Variants in ADGRA2 observed in about 807,000 individuals in gnomAD.
ADGRA2 encodes G-protein coupled receptor 124.
Under a neutral mutation model 98.7 loss-of-function variants are expected in ADGRA2, and 61 were observed. The ratio of observed to expected loss-of-function variants is 0.62; its 90% CI spans 0.50 to 0.76. ADGRA2 has a LOEUF of 0.76. Ranked by LOEUF, ADGRA2 falls within the 30% of genes least tolerant of loss-of-function variation. ADGRA2 has a pLI of 0.00. For synonymous variants in ADGRA2, 858 were observed against 831.5 expected, an observed-to-expected ratio of 1.03 and a Z score of -0.55; for missense variants, 1,712 against 1,860.0, an observed-to-expected ratio of 0.92 and a Z score of 1.46.
rs1362838429 is a variant in ADGRA2 at position 37,814,730 on chromosome 8, C to T, written c.267-166C>T. 6.6e-6 allele frequency among the ~76,000 whole-genome samples: 1 copy of T among 152,180 alleles called. No homozygotes were observed. The highest frequency in any genetic ancestry group is 1.5e-5 in the Non-Finnish European group (1 of 68,032). On this transcript the variant is annotated intron_variant, in intron 1 of 18. Transcript: ENST00000412232. This position sits in a 1 kb window ranked among gnomAD's most constrained non-coding sequence, Gnocchi z 4.3. ...GACGTGGGGCTGGGTGGACCGTTGG[C>T]CAGCTTCTCCCTGTAATCTCCGGAA...
Position 37,841,048 on chromosome 8 carries a change from G to C in ADGRA2, c.2748-38G>C. On this transcript the variant is annotated intron_variant, in intron 18 of 18. Coordinates refer to ENST00000412232, the MANE Select transcript of ADGRA2 (RefSeq NM_032777.10). This position sits in a 1 kb window ranked among gnomAD's most constrained non-coding sequence, Gnocchi z 5.0. ...CGGCCCCCAGCCCCACCCCAGCCAT[G>C]CCCCCTGTCCTCATCACTGCTTCTG... 2 of 1,233,568 alleles carry C rather than the reference G, an allele frequency of 1.6e-6. No individual in the cohort carries two copies. Among genetic ancestry groups the C allele is most frequent in the Non-Finnish European group, 2.3e-6 (2 of 870,396 alleles). The allele number at this position is 1,233,568 out of a possible 1,614,324, so 76.4% of individuals were successfully genotyped here. A position where few individuals can be genotyped will look rare whatever the true frequency, so the allele number is the denominator to read the frequency against.
At chr8:37,829,049 C>T (rs1167879670) in intron 3 of ADGRA2, 90 bp downstream of exon 3, 130 of 852,128 alleles carry the variant, frequency 1.5e-4, no homozygotes, top group Admixed American at 3.8e-4. Context: ...CTTCCTCTCA[C>T]CCCCCCACAC....
chr8:37,841,786 G>T lies in ADGRA2; in HGVS notation c.3448G>T (p.Gly1150Trp). ...GGCCCAGAGTCAGGTGTGCGAGGCG[G>T]GGGCGGCGGCCGGCGGGGAAGGAGA... ...QLAQSQVCEA[G>W]AAAGGEGEPE... The change falls in exon 19 of 19, where the codon GGG becomes TGG. Residue 1150 changes from glycine to tryptophan, a missense_variant. Transcript: ENST00000412232. This position sits in a 1 kb window ranked among gnomAD's most constrained non-coding sequence, Gnocchi z 5.0. 1 of 1,533,842 alleles carries T rather than the reference G, an allele frequency of 6.5e-7. No homozygotes were observed.
rs1338175996 is a variant in ADGRA2 at position 37,842,182 on chromosome 8, G to T, written c.3844G>T (p.Gly1282Cys). The change falls in exon 19 of 19, where the codon GGC becomes TGC. Residue 1282 changes from glycine (G) to cysteine (C), a missense_variant. Coordinates refer to ENST00000412232, the MANE Select transcript of ADGRA2 (RefSeq NM_032777.10). ...RRSASRDSLK[G>C]GGALEKESHR... is the part of the protein sequence containing the mutation. ...CAGCGCCAGCCGCGACAGTCTCAAG[G>T]GCGGCGGCGCGCTGGAGAAGGAGAG... 6.5e-7 allele frequency: 1 copy of T among 1,538,214 alleles called. No individual in the cohort carries two copies. Among genetic ancestry groups the T allele is most frequent in the Admixed American group, 2.0e-5 (1 of 50,000 alleles).
intron 2 of ADGRA2, among the ~76,000 whole-genome samples, chr8:37,825,243 A>T (rs1195276799): frequency 1.3e-5 from 2 of 151,534 alleles, no homozygotes; most frequent in Non-Finnish European, 2.9e-5. Context: ...CCAGCAAAGG[A>T]CTTCTGTCAT....
At chr8:37,798,373 TAGTC>T (rs1023644063) in intron 1 of ADGRA2, among the ~76,000 whole-genome samples, 10 of 152,154 alleles carry the variant, frequency 6.6e-5, no homozygotes, top group Admixed American at 3.3e-4. Flanking sequence ...ACTTCCCTCT[TAGTC>T]AGGGCCTCAG....
At chr8:37,827,803 C>G (rs1805322553) in intron 2 of ADGRA2, among the ~76,000 whole-genome samples, 1 of 151,776 alleles carries the variant, frequency 6.6e-6, no homozygotes, top group Admixed American at 6.5e-5. Flanking sequence ...CCTCGCCTGT[C>G]AGACAGAGAG....
intron 1 of ADGRA2, among the ~76,000 whole-genome samples, chr8:37,801,761 C>T (rs1804513243): frequency 6.6e-6 from 1 of 152,228 alleles, no homozygotes; most frequent in African/African-American, 2.4e-5. Context: ...GACAGTCACA[C>T]AGTCGGCTGG....
intron 1 of ADGRA2, among the ~76,000 whole-genome samples, chr8:37,809,628 C>T (rs748263676): frequency 2.0e-5 from 3 of 152,202 alleles, no homozygotes; most frequent in Admixed American, 6.5e-5. Flanking sequence ...CCTGCATCTG[C>T]GAGTGGGTCA....
Position 37,828,915 on chromosome 8 carries a change from A to G in ADGRA2, c.366A>G (p.Thr122=). 1 of 1,595,194 alleles carries G rather than the reference A, an allele frequency of 6.3e-7. No individual in the cohort carries two copies. The highest frequency in any genetic ancestry group is 1.3e-5 in the African/African-American group (1 of 74,326). Residue 122 remains threonine, a synonymous_variant, in exon 3 of 19, where the codon ACA becomes ACG. Coordinates refer to ENST00000412232, the MANE Select transcript of ADGRA2 (RefSeq NM_032777.10). Reference sequence around the variant, plus strand: ...ACCTGAGGAACAACATCATCAGCACAGTGCAGCCGGGCGCCTTCCTGGGCC... The same window carrying G: ...ACCTGAGGAACAACATCATCAGCACGGTGCAGCCGGGCGCCTTCCTGGGCC... ...KLDLRNNIIS[T]VQPGAFLGLG... is the part of the protein sequence containing the mutation.
At position 37,829,898 on chromosome 8, in the gene ADGRA2, T is replaced by C; in HGVS notation, c.602T>C (p.Leu201Pro). The change falls in exon 6 of 19, where the codon CTG (leucine) becomes CCG (proline). Residue 201 changes from leucine (L) to proline (P), a missense_variant. Physicochemically the swap from Leu to Pro is moderately conservative, Grantham distance 98 (BLOSUM62 -3). Coordinates refer to ENST00000412232, the MANE Select transcript of ADGRA2 (RefSeq NM_032777.10). ...ACCTGTGACTGCCACCTGCGCTGGC[T>C]GCTGCCCTGGGCCCAGAATCGCTCC... Reference protein sequence around the residue: ...FLTCDCHLRWLLPWAQNRSLQ... With the variant: ...FLTCDCHLRWPLPWAQNRSLQ... 6.2e-7 allele frequency: 1 copy of C among 1,613,066 alleles called. No homozygotes were observed. The highest frequency in any genetic ancestry group is 8.5e-7 in the Non-Finnish European group (1 of 1,179,940).
intron 2 of ADGRA2, among the ~76,000 whole-genome samples, chr8:37,820,567 A>C (rs1241350539): frequency 1.3e-5 from 2 of 152,250 alleles, no homozygotes; most frequent in African/African-American, 4.8e-5. Flanking sequence ...CTGTCCTGTC[A>C]AACTCAGATG....
At chr8:37,808,010 G>A (rs1231402165) in intron 1 of ADGRA2, among the ~76,000 whole-genome samples, 1 of 152,186 alleles carries the variant, frequency 6.6e-6, no homozygotes, top group East Asian at 1.9e-4. Flanking sequence ...AGCCCACAGA[G>A]CCTCTCTGTA....
intron 1 of ADGRA2, among the ~76,000 whole-genome samples, chr8:37,809,855 C>T (rs1364237522): frequency 2.0e-5 from 3 of 152,082 alleles, no homozygotes; most frequent in African/African-American, 4.8e-5. Context: ...ACCGGGACTG[C>T]ATGAAGTCTG....
In ADGRA2 at chr8:37,841,857, C is replaced by T; in HGVS notation, c.3519C>T (p.Pro1173=). ...GGGGAAACCTCGCCCACCGCCACCCCAACAACGTGCACCACGGGCGTCGGG... is the reference window on the plus strand; with the variant it reads ...GGGGAAACCTCGCCCACCGCCACCCTAACAACGTGCACCACGGGCGTCGGG... ...GTRGNLAHRH[P]NNVHHGRRAH... Residue 1173 remains proline (P), a synonymous_variant, in exon 19 of 19, where the codon CCC becomes CCT. Transcript: ENST00000412232. The surrounding 1 kb of genome is among the most constrained non-coding windows in gnomAD (Gnocchi z 5.0). The T allele has an allele frequency of 6.5e-7, 1 of 1,534,282 alleles. No individual in the cohort carries two copies.
Position 37,834,227 on chromosome 8 carries a change from A to T in ADGRA2, c.1608+99A>T. On this transcript the variant is annotated intron_variant, in intron 11 of 18. Transcript: ENST00000412232. The surrounding 1 kb of genome is among the most constrained non-coding windows in gnomAD (Gnocchi z 4.2). The stretch of plus-strand genomic sequence containing the variant: ...CCGTGCCCCAGCTAGCAAGAGCAGC[A>T]GACGTGACAAAGTTCTGAGCCATGG... The T allele has an allele frequency of 8.7e-7, 1 of 1,142,864 alleles. No individual in the cohort carries two copies. Among genetic ancestry groups the T allele is most frequent in the Non-Finnish European group, 1.2e-6 (1 of 814,682 alleles). 70.8% of individuals were successfully genotyped at this position (1,142,864 alleles called of 1,614,324 possible).
At position 37,841,628 on chromosome 8, in the gene ADGRA2, G is replaced by C. The variant is rs1253981709; in HGVS notation, c.3290G>C (p.Arg1097Pro). 6.5e-7 allele frequency: 1 copy of C among 1,533,386 alleles called. No individual in the cohort carries two copies. The highest frequency in any genetic ancestry group is 8.8e-7 in the Non-Finnish European group (1 of 1,139,888). The allele number at this position is 1,533,386 out of a possible 1,614,324, so 95.0% of individuals were successfully genotyped here. The change falls in exon 19 of 19, where the codon CGG (arginine) becomes CCG (proline). Residue 1097 changes from arginine (R) to proline (P), a missense_variant. Arg to Pro is a moderately radical substitution (Grantham distance 103). Coordinates refer to ENST00000412232, the MANE Select transcript of ADGRA2 (RefSeq NM_032777.10). This position sits in a 1 kb window ranked among gnomAD's most constrained non-coding sequence, Gnocchi z 5.0. ...ASPAAPHAPP[R>P]ALPAAAEDGS... ...CCCGCGGCCCCCCATGCCCCGCCCC[G>C]GGCCCTGCCCGCCGCCGCAGAGGAC...
chr8:37,841,241 A>T lies in ADGRA2; in HGVS notation c.2903A>T (p.Glu968Val). The part of the protein sequence containing the change: ...PKAGNSRASL[E>V]AGEELRGSTR... ...GCGGGCAACAGCAGGGCCTCCCTGGAGGCAGGGGAGGAGCTGAGGGGTTCC... is the reference window on the plus strand; with the variant it reads ...GCGGGCAACAGCAGGGCCTCCCTGGTGGCAGGGGAGGAGCTGAGGGGTTCC... Residue 968 changes from glutamate to valine, a missense_variant, in exon 19 of 19, where the codon GAG (glutamate) becomes GTG (valine). Glu to Val is a moderately radical substitution (Grantham distance 121). Transcript: ENST00000412232. The surrounding 1 kb of genome is among the most constrained non-coding windows in gnomAD (Gnocchi z 5.0). 6.2e-7 allele frequency: 1 copy of T among 1,613,402 alleles called. No individual in the cohort carries two copies. Among genetic ancestry groups the T allele is most frequent in the Non-Finnish European group, 8.5e-7 (1 of 1,179,830 alleles).
intron 2 of ADGRA2, among the ~76,000 whole-genome samples, chr8:37,821,054 C>T (rs78661008): frequency 3.3e-5 from 5 of 152,118 alleles, no homozygotes; most frequent in East Asian, 1.9e-4. Flanking sequence ...CCACCTTGCA[C>T]GTCTGTGCCC....
Sources: gnomAD v4.1 joint callset for allele counts (sites outside exome capture counted in the v4.1 genomes callset) on GRCh38, gnomAD v4.1.1 for gene constraint, Gnocchi (gnomAD v3.1) non-coding constraint, MANE v1.5 for transcripts, NCBI Gene and HGNC (gene_info 2026-07-23, HGNC 2026-07-21) for gene names.